The following BRD1 variants were observed in gnomAD, a reference collection of about 807,000 sequenced individuals.
The protein encoded by BRD1 is bromodomain containing 1, also known as bromodomain-containing protein 1.
A neutral mutation model predicts 107.7 loss-of-function variants in BRD1; 24 were observed. The observed-to-expected ratio is 0.22, with a 90% CI of 0.16 to 0.31. The LOEUF (loss-of-function observed/expected upper bound fraction) is 0.31. Among genes scored for constraint, BRD1 ranks in the 10% least tolerant of loss-of-function variants. The pLI, the probability that BRD1 is intolerant of heterozygous loss-of-function variation, is 1.00. For synonymous variants in BRD1, 744 were observed against 686.1 expected (o/e 1.08, Z -1.32); for missense variants, 1,279 against 1,638.6 (o/e 0.78, Z 3.79).
chr22:49,774,915 G>A, intron 12 of BRD1, among the ~76,000 whole-genome samples: 1 of 152,254 alleles, frequency 6.6e-6, no homozygotes, highest in Non-Finnish European at 1.5e-5. Flanking sequence ...GCACACCATA[G>A]GCAGGTGGCC....
At chr22:49,818,863 G>A (rs918086595) in intron 2 of BRD1, among the ~76,000 whole-genome samples, 1 of 151,982 alleles carries the variant, frequency 6.6e-6, no homozygotes, top group African/African-American at 2.4e-5. Context: ...TCCAGCCTAG[G>A]TGACAGAGCA....
chr22:49,826,156 C>A (rs1341632788), intron 1 of BRD1: 3 of 985,176 alleles, frequency 3.0e-6, no homozygotes, highest in East Asian at 2.3e-4. Context: ...CTCACCAGAT[C>A]AGAAACGAAC....
chr22:49,789,446 T>C (rs2059389823), intron 7 of BRD1, among the ~76,000 whole-genome samples: 2 of 152,072 alleles, frequency 1.3e-5, no homozygotes, highest in Admixed American at 6.5e-5. Flanking sequence ...GCACAGGGCC[T>C]GGGGCCTCAC....
intron 2 of BRD1, among the ~76,000 whole-genome samples, chr22:49,814,036 C>G (rs1326911136): frequency 6.6e-6 from 1 of 152,086 alleles, no homozygotes; most frequent in African/African-American, 2.4e-5. Flanking sequence ...AACCTTTACA[C>G]ACTGACGGGT....
intron 7 of BRD1, among the ~76,000 whole-genome samples, chr22:49,790,897 C>G (rs577918507): frequency 9.2e-5 from 14 of 152,348 alleles, no homozygotes. Flanking sequence ...TTCAAGGGAC[C>G]ACAGCTGCCC....
At chr22:49,826,194 C>T in intron 1 of BRD1, 1 of 985,456 alleles carries the variant, frequency 1.0e-6, no homozygotes, top group Non-Finnish European at 1.2e-6. Flanking sequence ...ACAGCAAAGT[C>T]CTGAGTCGCC....
chr22:49,775,501 C>T lies in BRD1; in HGVS notation c.3386+90G>A, dbSNP rs973978782. 6.4e-5 allele frequency: 77 copies of T among 1,209,226 alleles called. 1 individual carries two copies. The South Asian group carries it at 8.9e-4, about 14-fold the overall frequency. 74.9% of individuals were successfully genotyped at this position (1,209,226 alleles called of 1,614,324 possible). Reference sequence around the variant, plus strand: ...TGTGCCAGGGCCCAGCAGACAAAGACGCTGCTCACCACAGGGACACTCAGG... The same window carrying T: ...TGTGCCAGGGCCCAGCAGACAAAGATGCTGCTCACCACAGGGACACTCAGG... On this transcript the variant is annotated intron_variant, in intron 12 of 12. Transcript: ENST00000404760.
chr22:49,790,157 C>T (rs373418749), intron 7 of BRD1, among the ~76,000 whole-genome samples: 17 of 152,278 alleles, frequency 1.1e-4, no homozygotes, highest in East Asian at 5.8e-4. Flanking sequence ...CCTGCCCAGC[C>T]GGGACCACAC....
Position 49,792,115 on chromosome 22 carries a change from G to C in BRD1, c.2359+1919C>G, listed in dbSNP as rs761468372. Reference sequence around the variant, plus strand: ...AACCATGCGAGGTCCTCAGTCCTGTGACCCAATAACCGTGCGGGGTCCTCA... The same window carrying C: ...AACCATGCGAGGTCCTCAGTCCTGTCACCCAATAACCGTGCGGGGTCCTCA... On this transcript the variant is annotated intron_variant, in intron 7 of 12. Transcript: ENST00000404760. The surrounding 1 kb of genome is among the most constrained non-coding windows in gnomAD (Gnocchi z 4.2). Among the ~76,000 whole-genome samples, 11 of 152,046 alleles carry C rather than the reference G, an allele frequency of 7.2e-5. No homozygotes were observed. The highest frequency in any genetic ancestry group is 1.6e-4 in the Non-Finnish European group (11 of 68,032).
chr22:49,804,309 C>T lies in BRD1; in HGVS notation c.1419G>A (p.Val473=). The change falls in exon 3 of 13, where the codon GTG becomes GTA. Residue 473 remains valine, a synonymous_variant. Coordinates refer to ENST00000404760, the MANE Select transcript of BRD1 (RefSeq NM_001304808.3). ...QVAIQRKKQF[V]ERAHSYWLLK... is the part of the protein sequence containing the mutation. Reference sequence around the variant, plus strand: ...GCAGCCAGTAGCTGTGGGCTCGCTCCACAAACTGCTTCTTCCGCTGAATGG... The same window carrying T: ...GCAGCCAGTAGCTGTGGGCTCGCTCTACAAACTGCTTCTTCCGCTGAATGG... 1 of 1,610,484 alleles carries T rather than the reference C, an allele frequency of 6.2e-7. No individual in the cohort carries two copies. Among genetic ancestry groups the T allele is most frequent in the Non-Finnish European group, 8.5e-7 (1 of 1,178,242 alleles).
At chr22:49,796,068 G>T (rs1468301234) in intron 6 of BRD1, among the ~76,000 whole-genome samples, 1 of 151,324 alleles carries the variant, frequency 6.6e-6, no homozygotes, top group East Asian at 1.9e-4. Context: ...CAGAGACAAA[G>T]AATAAAAATA....
intron 2 of BRD1, among the ~76,000 whole-genome samples, chr22:49,819,087 A>C (rs1464549654): frequency 1.3e-5 from 2 of 150,328 alleles, no homozygotes; most frequent in East Asian, 4.0e-4. Context: ...GTGAAACCCC[A>C]TCTCTACAAA....
At chr22:49,800,712 C>T (rs555675989) in intron 3 of BRD1, among the ~76,000 whole-genome samples, 1 of 152,184 alleles carries the variant, frequency 6.6e-6, no homozygotes, top group Non-Finnish European at 1.5e-5. Context: ...GCAGCCTCAT[C>T]CACTCAGAAG....
intron 2 of BRD1, chr22:49,817,288 G>C (rs1045270656): frequency 5.3e-6 from 1 of 189,538 alleles, no homozygotes; most frequent in Non-Finnish European, 1.1e-5. Flanking sequence ...TGGCACTGGG[G>C]GTGCATGACT....
At position 49,792,290 on chromosome 22, in the gene BRD1, A is replaced by G. The variant is rs1417301791; in HGVS notation, c.2359+1744T>C. On this transcript the variant is annotated intron_variant, in intron 7 of 12. Coordinates refer to ENST00000404760, the MANE Select transcript of BRD1 (RefSeq NM_001304808.3). This position sits in a 1 kb window ranked among gnomAD's most constrained non-coding sequence, Gnocchi z 4.2. ...AGAATGGTGAGTGGACCTGCTGGCA[A>G]CCTCCTCACAGCTCAGTCCTCAGGG... 6.6e-6 allele frequency among the ~76,000 whole-genome samples: 1 copy of G among 152,176 alleles called. No homozygotes were observed. Among genetic ancestry groups the G allele is most frequent in the Non-Finnish European group, 1.5e-5 (1 of 68,018 alleles).
intron 4 of BRD1, 96 bp from the exon 5 acceptor site, chr22:49,798,782 C>A: frequency 6.9e-7 from 1 of 1,457,750 alleles, no homozygotes; most frequent in South Asian, 1.4e-5. Context: ...CCACAGGCTC[C>A]TGTGCTTCCG....
chr22:49,820,490 G>C (rs2060044929), intron 2 of BRD1, among the ~76,000 whole-genome samples: 1 of 152,176 alleles, frequency 6.6e-6, no homozygotes, highest in African/African-American at 2.4e-5. Context: ...ATTCCCAGCT[G>C]AGGCTGGGAG....
In BRD1 at chr22:49,824,971, C is replaced by G. The variant is rs527538943; in HGVS notation, c.-14-640G>C. ...GGCCCTCCACACGCACAACACGGCA[C>G]AGGGGACCAACAGGGGAGCCCTGTA... On this transcript the variant is annotated intron_variant, in intron 1 of 12. Transcript: ENST00000404760. This position sits in a 1 kb window ranked among gnomAD's most constrained non-coding sequence, Gnocchi z 5.9. Among the ~76,000 whole-genome samples, 2 of 152,264 alleles carry G rather than the reference C, an allele frequency of 1.3e-5. No homozygotes were observed. Among genetic ancestry groups the G allele is most frequent in the African/African-American group, 4.8e-5 (2 of 41,544 alleles).
intron 2 of BRD1, chr22:49,818,204 C>T (rs1001416550): frequency 1.7e-5 from 19 of 1,125,328 alleles, no homozygotes; most frequent in East Asian, 7.0e-5. Context: ...AGGAGGAGCA[C>T]CCATCACAAA....
Sources: gnomAD v4.1 joint callset for allele counts (sites outside exome capture counted in the v4.1 genomes callset) on GRCh38, gnomAD v4.1.1 for gene constraint, Gnocchi (gnomAD v3.1) non-coding constraint, MANE v1.5 for transcripts, NCBI Gene and HGNC (gene_info 2026-07-23, HGNC 2026-07-21) for gene names.